The following RANBP2 variants were observed in gnomAD, a reference collection of about 807,000 sequenced individuals.
The protein encoded by RANBP2 is E3 SUMO-protein ligase RanBP2.
In RANBP2, 57 loss-of-function variants were observed where a neutral mutation model predicts 303.6. The ratio of observed to expected loss-of-function variants is 0.19; its 90% CI spans 0.15 to 0.23. The LOEUF is 0.23. RANBP2 is among the 10% of genes least tolerant of loss of function. The pLI is 1.00. For synonymous variants in RANBP2, 1,167 were observed against 1,301.5 expected (o/e 0.90, Z 2.23); for missense variants, 3,138 against 3,780.8 (o/e 0.83, Z 4.46).
the RANBP2 span, among the ~76,000 whole-genome samples, chr2:108,928,112 C>T: frequency 6.6e-6 from 1 of 152,132 alleles, no homozygotes; most frequent in Non-Finnish European, 1.5e-5. Context: ...GAGCCTGGTT[C>T]CATCTGCTCC....
the RANBP2 span, among the ~76,000 whole-genome samples, chr2:109,671,000 G>A: frequency 6.6e-6 from 1 of 152,338 alleles, no homozygotes; most frequent in East Asian, 1.9e-4. Context: ...TGGGCCAAAA[G>A]GAGAGGCTGG....
chr2:108,927,950 C>T, the RANBP2 span, among the ~76,000 whole-genome samples: 1 of 152,160 alleles, frequency 6.6e-6, no homozygotes, highest in African/African-American at 2.4e-5. Flanking sequence ...TCAGTGCTGT[C>T]TTTCAGGGGG....
At chr2:109,601,986 T>C in the RANBP2 span, among the ~76,000 whole-genome samples, 1 of 152,102 alleles carries the variant, frequency 6.6e-6, no homozygotes, top group African/African-American at 2.4e-5. Flanking sequence ...GACCCATGAA[T>C]AGACTAGTGA....
chr2:109,484,790 A>G, the RANBP2 span, among the ~76,000 whole-genome samples: 1 of 152,178 alleles, frequency 6.6e-6, no homozygotes, highest in Non-Finnish European at 1.5e-5. Flanking sequence ...TGGTATCAAC[A>G]GTCGAGGCCC....
At chr2:109,195,629 T>C in the RANBP2 span, among the ~76,000 whole-genome samples, 1 of 152,206 alleles carries the variant, frequency 6.6e-6, no homozygotes, top group Admixed American at 6.5e-5. Context: ...GATGCCTCTT[T>C]CCCCGCAGGC....
chr2:108,723,768 A>G (rs999371268), intron 1 of RANBP2, among the ~76,000 whole-genome samples: 52 of 152,172 alleles, frequency 3.4e-4, no homozygotes, highest in African/African-American at 1.2e-3. Flanking sequence ...TCCTGGACTG[A>G]ATAATTGCTT....
the RANBP2 span, among the ~76,000 whole-genome samples, chr2:109,334,310 A>G: frequency 6.8e-6 from 1 of 147,996 alleles, no homozygotes; most frequent in Non-Finnish European, 1.5e-5. Flanking sequence ...GTGAGCCATG[A>G]TCACACCACT....
chr2:109,740,230 G>A, the RANBP2 span, among the ~76,000 whole-genome samples: 2 of 151,692 alleles, frequency 1.3e-5, no homozygotes, highest in African/African-American at 2.4e-5. Flanking sequence ...CTCATGATCC[G>A]CCTGCCTCGG....
chr2:109,633,894 G>T, the RANBP2 span, among the ~76,000 whole-genome samples: 175 of 151,996 alleles, frequency 1.2e-3, no homozygotes, highest in African/African-American at 3.6e-3. Flanking sequence ...GGTCAAGGTG[G>T]GTGGATCACA....
the RANBP2 span, among the ~76,000 whole-genome samples, chr2:109,516,661 T>G: frequency 6.6e-6 from 1 of 152,102 alleles, no homozygotes; most frequent in Non-Finnish European, 1.5e-5. Flanking sequence ...GTCTGGCCTC[T>G]CGCAGGAGCC....
the RANBP2 span, among the ~76,000 whole-genome samples, chr2:108,929,037 G>A: frequency 6.6e-6 from 1 of 152,230 alleles, no homozygotes; most frequent in African/African-American, 2.4e-5. Flanking sequence ...AGGACTCTCC[G>A]TCCTGGATGC....
chr2:109,434,661 C>T, the RANBP2 span, among the ~76,000 whole-genome samples: 1 of 152,328 alleles, frequency 6.6e-6, no homozygotes, highest in South Asian at 2.1e-4. Flanking sequence ...GGCCCTCATC[C>T]TTGCCTGTGC....
the RANBP2 span, among the ~76,000 whole-genome samples, chr2:109,025,634 C>T: frequency 2.0e-5 from 3 of 151,876 alleles, 1 homozygote; most frequent in East Asian, 3.9e-4. Context: ...GGTGAAACCC[C>T]GTCTCTACTA....
At chr2:109,618,418 C>T in the RANBP2 span, 1 of 166,974 alleles carries the variant, frequency 6.0e-6, no homozygotes, top group Non-Finnish European at 1.5e-5. Flanking sequence ...TTTGCCAGGG[C>T]TTTAGAGATT....
the RANBP2 span, among the ~76,000 whole-genome samples, chr2:109,420,549 A>C: frequency 7.2e-5 from 11 of 151,920 alleles, no homozygotes; most frequent in Admixed American, 1.3e-4. Flanking sequence ...AGGTTCACGC[A>C]ATTCTCCTGC....
the RANBP2 span, among the ~76,000 whole-genome samples, chr2:109,463,001 C>T: frequency 6.6e-6 from 1 of 152,180 alleles, no homozygotes; most frequent in Non-Finnish European, 1.5e-5. Flanking sequence ...TTTGGGGAAG[C>T]CTGGGAGAAA....
the RANBP2 span, among the ~76,000 whole-genome samples, chr2:109,434,238 G>A: frequency 1.3e-5 from 2 of 152,330 alleles, no homozygotes; most frequent in African/African-American, 2.4e-5. Context: ...GGGCTCGCCC[G>A]CCCTGCTGGG....
chr2:109,590,834 G>A, the RANBP2 span, among the ~76,000 whole-genome samples: 1 of 152,126 alleles, frequency 6.6e-6, no homozygotes, highest in Non-Finnish European at 1.5e-5. Context: ...AGAATGGAGT[G>A]GTCTCTAGGA....
the RANBP2 span, among the ~76,000 whole-genome samples, chr2:109,336,612 G>A: frequency 2.6e-5 from 4 of 152,196 alleles, no homozygotes; most frequent in Non-Finnish European, 2.9e-5. Context: ...TGAGGCAAAT[G>A]CTCTTTGCAG....
Sources: allele counts gnomAD v4.1 joint callset (sites outside exome capture counted in the v4.1 genomes callset), GRCh38; gene constraint gnomAD v4.1.1; transcripts MANE v1.5; gene names NCBI Gene and HGNC (gene_info 2026-07-23, HGNC 2026-07-21).